ERC1: variants seen among roughly 807,000 people sequenced by gnomAD.
ERC1 encodes ELKS/RAB6-interacting/CAST family member 1.
A neutral mutation model predicts 132.0 loss-of-function variants in ERC1; 56 were observed. The observed-to-expected ratio is 0.42, with a 90% CI of 0.34 to 0.53. The LOEUF (loss-of-function observed/expected upper bound fraction) is 0.53, where lower values mean the gene tolerates loss of function less well. Ranked by LOEUF, ERC1 falls within the 20% of genes least tolerant of loss-of-function variation. The probability of loss-of-function intolerance (pLI) is 0.03; values close to 1 mark genes in which losing one functional copy is unlikely to be tolerated. For synonymous variants in ERC1, 478 were observed against 476.1 expected, an observed-to-expected ratio of 1.00 and a Z score of -0.05; for missense variants, 1,202 against 1,349.9, an observed-to-expected ratio of 0.89 and a Z score of 1.72.
At chr12:1,405,876 C>T (rs2091455139) in intron 16 of ERC1, among the ~76,000 whole-genome samples, 2 of 152,008 alleles carry the variant, frequency 1.3e-5, no homozygotes, top group Admixed American at 1.3e-4. Flanking sequence ...CATAGTGAGA[C>T]CCCATTTCTA....
intron 1 of ERC1, among the ~76,000 whole-genome samples, chr12:1,003,096 CAAA>C (rs59507923): frequency 2.3e-5 from 2 of 86,922 alleles, no homozygotes; most frequent in African/African-American, 5.2e-5. Flanking sequence ...ATGAAAAATG[CAAA>C]AAAAAAAAAA....
chr12:1,106,058 C>T (rs1945224227), intron 4 of ERC1, among the ~76,000 whole-genome samples: 1 of 152,190 alleles, frequency 6.6e-6, no homozygotes, highest in Non-Finnish European at 1.5e-5. Context: ...TAAGAGCTTG[C>T]TTTCTAAGTT....
intron 8 of ERC1, among the ~76,000 whole-genome samples, chr12:1,165,674 C>T (rs1952351032): frequency 6.6e-6 from 1 of 152,054 alleles, no homozygotes; most frequent in Non-Finnish European, 1.5e-5. Flanking sequence ...CATGGCTAAA[C>T]TGTTTTGTGT....
intron 2 of ERC1, among the ~76,000 whole-genome samples, chr12:1,052,480 TA>T (rs1565867502): frequency 6.6e-6 from 1 of 152,014 alleles, no homozygotes; most frequent in African/African-American, 2.4e-5. Context: ...GTACAAGGAA[TA>T]AAAAAATACA....
chr12:1,069,822 A>C (rs1939992725), intron 2 of ERC1, among the ~76,000 whole-genome samples: 1 of 152,204 alleles, frequency 6.6e-6, no homozygotes, highest in Non-Finnish European at 1.5e-5. Flanking sequence ...TATTTGGGTT[A>C]ATTACATTTT....
chr12:1,196,905 TACACACACACACACACACACA>T (rs1956332802), intron 12 of ERC1, among the ~76,000 whole-genome samples: 2 of 57,728 alleles, frequency 3.5e-5, no homozygotes, highest in African/African-American at 1.3e-4. Flanking sequence ...TCTGTCTCTC[TACACACACACACACACACACA>T]CACACACACA....
chr12:1,366,313 A>G (rs1237279849), intron 15 of ERC1, among the ~76,000 whole-genome samples: 1 of 152,236 alleles, frequency 6.6e-6, no homozygotes, highest in African/African-American at 2.4e-5. Context: ...TAAACATACT[A>G]TAATCAGAGA....
chr12:1,403,679 C>T (rs573726627), intron 16 of ERC1, among the ~76,000 whole-genome samples: 2 of 152,102 alleles, frequency 1.3e-5, no homozygotes, highest in Non-Finnish European at 2.9e-5. Context: ...CAGTTTTTTT[C>T]AGGCAGGCAT....
At chr12:1,394,061 A>C (rs2090278492) in intron 16 of ERC1, among the ~76,000 whole-genome samples, 1 of 143,012 alleles carries the variant, frequency 7.0e-6, no homozygotes, top group Non-Finnish European at 1.5e-5. Flanking sequence ...AGCATTAAGC[A>C]ATTTAATTTC....
intron 18 of ERC1, among the ~76,000 whole-genome samples, chr12:1,478,838 G>A (rs2094029147): frequency 1.3e-5 from 2 of 151,468 alleles, no homozygotes; most frequent in South Asian, 4.1e-4. Context: ...TAATTTTAAT[G>A]TAGATCCAGT....
At chr12:1,487,539 T>TAAAAAAAAAAAAAAA (rs77723832) in intron 18 of ERC1, among the ~76,000 whole-genome samples, 1 of 130,844 alleles carries the variant, frequency 7.6e-6, no homozygotes, top group African/African-American at 2.8e-5. Context: ...ACCGCACCTC[T>TAAAAAAAAAAAAAAA]AAAAAAGAAA....
chr12:1,112,673 C>T (rs970350788), intron 6 of ERC1, among the ~76,000 whole-genome samples: 2 of 152,178 alleles, frequency 1.3e-5, no homozygotes, highest in African/African-American at 4.8e-5. Context: ...GGCCTATCAC[C>T]TAGAGTTTAT....
intron 2 of ERC1, among the ~76,000 whole-genome samples, chr12:1,050,319 G>A (rs1971729470): frequency 6.6e-6 from 1 of 152,178 alleles, no homozygotes; most frequent in Non-Finnish European, 1.5e-5. Flanking sequence ...GGGAAGTGGT[G>A]GTAGCAAACA....
chr12:1,157,271 AT>A (rs907573942), intron 8 of ERC1, among the ~76,000 whole-genome samples: 1 of 152,054 alleles, frequency 6.6e-6, no homozygotes, highest in African/African-American at 2.4e-5. Flanking sequence ...TGTCCAGCTA[AT>A]TTTTTAGCTT....
In ERC1 at chr12:1,236,923, T is replaced by A; in HGVS notation, c.2487+19T>A. The A allele has an allele frequency of 6.2e-7, 1 of 1,613,148 alleles. No individual in the cohort carries two copies. The highest frequency in any genetic ancestry group is 8.5e-7 in the Non-Finnish European group (1 of 1,179,364). On this transcript the variant is annotated intron_variant, in intron 13 of 18. Coordinates refer to ENST00000360905, the MANE Select transcript of ERC1 (RefSeq NM_178040.4). The stretch of plus-strand genomic sequence containing the variant: ...GCTACAGGTTAGAACACAAGGAGAA[T>A]CTGAAAGGATCGGGTGAAGACATTT...
intron 15 of ERC1, among the ~76,000 whole-genome samples, chr12:1,330,002 AC>A (rs1310452949): frequency 1.3e-5 from 2 of 152,286 alleles, no homozygotes; most frequent in East Asian, 3.9e-4. Context: ...CAATATTTAA[AC>A]CCTAGAGCCA....
chr12:1,167,614 AT>A (rs57266853), intron 8 of ERC1, among the ~76,000 whole-genome samples: 19 of 149,980 alleles, frequency 1.3e-4, no homozygotes, highest in African/African-American at 3.2e-4. Context: ...TCTCCTAATG[AT>A]TTTTTTTTCC....
intron 1 of ERC1, among the ~76,000 whole-genome samples, chr12:998,853 CTTTTTT>C (rs527367596): frequency 9.8e-6 from 1 of 102,466 alleles, no homozygotes; most frequent in Non-Finnish European, 1.9e-5. Context: ...TTCTCTGTCA[CTTTTTT>C]TTTTTTTTTT....
At chr12:1,460,617 A>G (rs1465295589) in intron 18 of ERC1, among the ~76,000 whole-genome samples, 5 of 152,184 alleles carry the variant, frequency 3.3e-5, no homozygotes, top group East Asian at 3.8e-4. Context: ...ATGGGCAGCC[A>G]TATTTGAAAT....
Sources: gnomAD v4.1 joint callset for allele counts (sites outside exome capture counted in the v4.1 genomes callset) on GRCh38, gnomAD v4.1.1 for gene constraint, MANE v1.5 for transcripts, NCBI Gene and HGNC (gene_info 2026-07-23, HGNC 2026-07-21) for gene names.